SH2D4A: variants seen among roughly 807,000 people sequenced by gnomAD.
SH2D4A encodes the protein SH2 domain containing 4A.
Under a neutral mutation model 64.7 loss-of-function variants are expected in SH2D4A, and 70 were observed. The observed-to-expected ratio is 1.08, with a 90% CI of 0.89 to 1.32. SH2D4A has a LOEUF of 1.32. Among genes scored for constraint, SH2D4A ranks in the 40% most tolerant of loss-of-function variants. The probability of loss-of-function intolerance (pLI) is 0.00; values close to 1 mark genes in which losing one functional copy is unlikely to be tolerated. For synonymous variants in SH2D4A, 268 were observed against 200.7 expected (o/e 1.34, Z -2.83); for missense variants, 706 against 540.1 (o/e 1.31, Z -3.04).
intron 2 of SH2D4A, among the ~76,000 whole-genome samples, chr8:19,328,200 G>A (rs942875390): frequency 1.3e-5 from 2 of 152,082 alleles, no homozygotes; most frequent in East Asian, 1.9e-4. Context: ...CTGTACCAGT[G>A]GCTTCAATAA....
chr8:19,341,844 C>CA (rs35856719), intron 4 of SH2D4A, among the ~76,000 whole-genome samples: 14,062 of 83,336 alleles, frequency 0.17, 911 homozygotes, highest in Middle Eastern at 0.22. Context: ...CTTGTCTTAA[C>CA]AAAAAAAAAA....
intron 7 of SH2D4A, among the ~76,000 whole-genome samples, chr8:19,366,128 C>G (rs185767981): frequency 6.6e-6 from 1 of 152,066 alleles, no homozygotes; most frequent in East Asian, 1.9e-4. Flanking sequence ...TTCATCGAAA[C>G]TTGATTGTGG....
intron 1 of SH2D4A, among the ~76,000 whole-genome samples, chr8:19,317,979 G>A (rs887383074): frequency 7.2e-5 from 11 of 151,786 alleles, no homozygotes; most frequent in Non-Finnish European, 1.5e-4. Flanking sequence ...TCGGCTCACT[G>A]CAACCTCTGC....
At chr8:19,384,137 T>C (rs1296934004) in intron 8 of SH2D4A, among the ~76,000 whole-genome samples, 3 of 152,320 alleles carry the variant, frequency 2.0e-5, no homozygotes, top group Admixed American at 1.3e-4. Flanking sequence ...AACTGCCCTA[T>C]GTTATTTCTA....
At chr8:19,350,139 T>TA (rs1433119817) in intron 4 of SH2D4A, among the ~76,000 whole-genome samples, 1 of 152,248 alleles carries the variant, frequency 6.6e-6, no homozygotes, top group Non-Finnish European at 1.5e-5. Flanking sequence ...ATTTTATGCT[T>TA]ACACTTTATA....
chr8:19,351,603 A>AAAAAACACTC (rs1261774836), intron 4 of SH2D4A, among the ~76,000 whole-genome samples: 1 of 152,012 alleles, frequency 6.6e-6, no homozygotes, highest in Non-Finnish European at 1.5e-5. Flanking sequence ...ACTCTGACTC[A>AAAAAACACTC]AAAAACAAAA....
intron 8 of SH2D4A, 71 bp downstream of exon 8, chr8:19,373,731 C>A: frequency 1.3e-6 from 2 of 1,512,246 alleles, no homozygotes; most frequent in South Asian, 1.3e-5. Context: ...TACCAGGAAG[C>A]CAGAATAAAA....
At chr8:19,332,723 A>G (rs1358972960) in intron 2 of SH2D4A, among the ~76,000 whole-genome samples, 1 of 151,350 alleles carries the variant, frequency 6.6e-6, no homozygotes, top group Non-Finnish European at 1.5e-5. Context: ...AGCACGGGCA[A>G]AAAACATACC....
Position 19,316,979 on chromosome 8 carries a change from C to T in SH2D4A, c.-204-2365C>T, listed in dbSNP as rs183421751. ...GCTGTGTTATCAGGAATATGCAGGGCGGGGGAGACTGGAGGAATATGACTT... is the reference window on the plus strand; with the variant it reads ...GCTGTGTTATCAGGAATATGCAGGGTGGGGGAGACTGGAGGAATATGACTT... On this transcript the variant is annotated intron_variant, in intron 1 of 9. Transcript: ENST00000265807. Among the ~76,000 whole-genome samples the T allele has an allele frequency of 2.2e-3, 331 of 152,200 alleles. 1 individual carries two copies. Among genetic ancestry groups the T allele is most frequent in the Admixed American group, 5.5e-3 (84 of 15,288 alleles).
At chr8:19,329,685 C>T (rs538617451) in intron 2 of SH2D4A, among the ~76,000 whole-genome samples, 1 of 152,172 alleles carries the variant, frequency 6.6e-6, no homozygotes, top group East Asian at 1.9e-4. Flanking sequence ...CAGTTTCCCC[C>T]ATACTGTTCT....
At chr8:19,386,520 G>T (rs1318363518) in intron 8 of SH2D4A, among the ~76,000 whole-genome samples, 1 of 152,158 alleles carries the variant, frequency 6.6e-6, no homozygotes, top group Non-Finnish European at 1.5e-5. Flanking sequence ...GAGGATGGCA[G>T]TGGCTGTGCC....
intron 8 of SH2D4A, among the ~76,000 whole-genome samples, chr8:19,377,132 G>A (rs1450646402): frequency 6.6e-6 from 1 of 152,110 alleles, no homozygotes; most frequent in African/African-American, 2.4e-5. Context: ...TGTAATCCCA[G>A]TGCTTTTGAG....
intron 4 of SH2D4A, among the ~76,000 whole-genome samples, chr8:19,338,003 G>A (rs1337568719): frequency 1.3e-5 from 2 of 152,156 alleles, no homozygotes; most frequent in African/African-American, 4.8e-5. Context: ...GGAAGAGGGG[G>A]CATAGCCCTG....
intron 8 of SH2D4A, among the ~76,000 whole-genome samples, chr8:19,383,149 T>G (rs573634018): frequency 6.9e-6 from 1 of 145,902 alleles, no homozygotes; most frequent in East Asian, 1.9e-4. Context: ...ATACTCTCTC[T>G]GCCCCCTTCT....
intron 4 of SH2D4A, among the ~76,000 whole-genome samples, chr8:19,347,556 AT>A (rs1017975356): frequency 6.6e-6 from 1 of 152,124 alleles, no homozygotes; most frequent in Middle Eastern, 3.2e-3. Context: ...CTTATATGTA[AT>A]TTGCAGGCTT....
At chr8:19,373,873 C>T (rs989339298) in intron 8 of SH2D4A, among the ~76,000 whole-genome samples, 1 of 152,128 alleles carries the variant, frequency 6.6e-6, no homozygotes, top group African/African-American at 2.4e-5. Flanking sequence ...GCACTGTATG[C>T]ACTGTGGGGC....
At chr8:19,356,373 G>T (rs978976360) in intron 4 of SH2D4A, among the ~76,000 whole-genome samples, 13 of 152,160 alleles carry the variant, frequency 8.5e-5, no homozygotes, top group Admixed American at 8.5e-4. Flanking sequence ...AATTTCCGAT[G>T]TATGCCAAAA....
intron 8 of SH2D4A, among the ~76,000 whole-genome samples, chr8:19,389,102 A>AC (rs1342531565): frequency 1.3e-5 from 2 of 152,216 alleles, no homozygotes; most frequent in Non-Finnish European, 1.5e-5. Flanking sequence ...GGATCAGGAC[A>AC]CGTCATGTTC....
At chr8:19,324,529 C>A (rs1383524676) in intron 2 of SH2D4A, among the ~76,000 whole-genome samples, 1 of 152,168 alleles carries the variant, frequency 6.6e-6, no homozygotes, top group African/African-American at 2.4e-5. Context: ...CTGCTGGATT[C>A]CTTCCTTATC....
Sources: allele counts gnomAD v4.1 joint callset (sites outside exome capture counted in the v4.1 genomes callset), GRCh38; gene constraint gnomAD v4.1.1; transcripts MANE v1.5; gene names NCBI Gene and HGNC (gene_info 2026-07-23, HGNC 2026-07-21).